SUPT6H: variants seen among roughly 807,000 people sequenced by gnomAD.
SUPT6H encodes the protein transcription elongation factor SPT6.
Under a neutral mutation model 222.3 loss-of-function variants are expected in SUPT6H, and 11 were observed. The ratio of observed to expected loss-of-function variants is 0.05; its 90% CI spans 0.03 to 0.08. The LOEUF (loss-of-function observed/expected upper bound fraction) is 0.08. SUPT6H is among the 10% of genes least tolerant of loss of function. SUPT6H has a pLI of 1.00. For missense variants in SUPT6H, 1,422 were observed against 2,216.0 expected (o/e 0.64, Z 7.19); for synonymous variants, 762 against 801.2 (o/e 0.95, Z 0.83).
intron 11 of SUPT6H, among the ~76,000 whole-genome samples, chr17:28,680,885 G>A (rs997439319): frequency 3.9e-5 from 6 of 152,166 alleles, no homozygotes; most frequent in East Asian, 3.9e-4. Flanking sequence ...CTGACGTCGC[G>A]ATCCCTCCGC....
At chr17:28,690,510 C>T (rs1395920224) in intron 26 of SUPT6H, among the ~76,000 whole-genome samples, 1 of 152,226 alleles carries the variant, frequency 6.6e-6, no homozygotes, top group African/African-American at 2.4e-5. Flanking sequence ...CACAGTGGCT[C>T]ATGCCTGTAA....
At chr17:28,667,403 G>GTA (rs1432342239) in intron 1 of SUPT6H, among the ~76,000 whole-genome samples, 1,361 of 42,284 alleles carry the variant, frequency 0.032, 28 homozygotes, top group Admixed American at 0.036. Context: ...AAGTGTGTGT[G>GTA]TGTATATATA....
intron 28 of SUPT6H, among the ~76,000 whole-genome samples, chr17:28,694,749 C>T (rs958122572): frequency 6.6e-6 from 1 of 152,216 alleles, no homozygotes; most frequent in African/African-American, 2.4e-5. Context: ...CCTGTAATCC[C>T]AGCACTTTGG....
chr17:28,671,313 G>A (rs2030401461), intron 1 of SUPT6H: 1 of 152,246 alleles, frequency 6.6e-6, no homozygotes, highest in Admixed American at 6.5e-5. Flanking sequence ...CAGCACACCT[G>A]AAGGGATATA....
chr17:28,663,099 A>G (rs1251307354), intron 1 of SUPT6H, among the ~76,000 whole-genome samples: 1 of 152,218 alleles, frequency 6.6e-6, no homozygotes, highest in African/African-American at 2.4e-5. Flanking sequence ...ATTCACTGTA[A>G]TATCAAAAGT....
At chr17:28,698,348 G>GT (rs1222249767) in intron 32 of SUPT6H, among the ~76,000 whole-genome samples, 1 of 152,166 alleles carries the variant, frequency 6.6e-6, no homozygotes, top group African/African-American at 2.4e-5. Context: ...CAGTACACTG[G>GT]TCTCTCCTGT....
intron 1 of SUPT6H, among the ~76,000 whole-genome samples, chr17:28,671,791 C>T (rs1342503483): frequency 6.6e-6 from 1 of 152,192 alleles, no homozygotes; most frequent in Non-Finnish European, 1.5e-5. Context: ...GTTCTTTCCC[C>T]TATGTCATGT....
rs750736552 is a variant in SUPT6H, at chr17:28,696,977, A to G, written c.4104A>G (p.Thr1368=). ...RPSSKGENHL[T]VTWKVSDGIY... ...GCAGCAAGGGCGAGAACCACCTGAC[A>G]GTGACCTGGAAAGTCAGTGATGGCA... Residue 1368 remains threonine (T), a synonymous_variant, in exon 30 of 37, where the codon ACA becomes ACG. Transcript: ENST00000314616. 4 of 1,614,090 alleles carry G rather than the reference A, an allele frequency of 2.5e-6. No individual in the cohort carries two copies. The East Asian group carries it at 6.7e-5, about 27-fold the overall frequency.
At chr17:28,696,296 CAAAAAAA>C (rs1185490286) in intron 29 of SUPT6H, among the ~76,000 whole-genome samples, 1 of 53,724 alleles carries the variant, frequency 1.9e-5, no homozygotes, top group Non-Finnish European at 3.7e-5. Context: ...GACTCTGTCT[CAAAAAAA>C]AAAAAAAAAA....
At position 28,696,926 on chromosome 17, in the gene SUPT6H, C is replaced by T. The variant is rs767852962; in HGVS notation, c.4053C>T (p.Asp1351=). The change falls in exon 30 of 37, where the codon GAC becomes GAT. Residue 1351 remains aspartate, a synonymous_variant. Coordinates refer to ENST00000314616, the MANE Select transcript of SUPT6H (RefSeq NM_003170.5). ...CAGAAAAGATGATGGAGACCATGGA[C>T]CAGGGTGATGTGATTATCCGACCAA... ...KQAEKMMETM[D]QGDVIIRPSS... 1.4e-5 allele frequency: 23 copies of T among 1,613,786 alleles called. No homozygotes were observed. In the East Asian group the frequency reaches 3.6e-4, roughly 25 times the overall value.
At chr17:28,691,850 A>G (rs1446308384) in intron 27 of SUPT6H, 2 of 142,288 alleles carry the variant, frequency 1.4e-5, no homozygotes, top group Non-Finnish European at 3.1e-5. Context: ...ACTCCGTCTC[A>G]AAAAAAAAAA....
intron 11 of SUPT6H, among the ~76,000 whole-genome samples, chr17:28,680,012 A>T (rs1038823112): frequency 1.2e-4 from 18 of 148,478 alleles, no homozygotes; most frequent in African/African-American, 4.5e-4. Context: ...AAAAGAAAGA[A>T]AGAAAAAGGA....
intron 27 of SUPT6H, among the ~76,000 whole-genome samples, chr17:28,692,069 A>G (rs898023630): frequency 6.6e-6 from 1 of 151,652 alleles, no homozygotes; most frequent in African/African-American, 2.4e-5. Context: ...CACTCCTGTA[A>G]TCCCAGCACT....
intron 32 of SUPT6H, among the ~76,000 whole-genome samples, chr17:28,698,560 C>G (rs1363269069): frequency 6.6e-6 from 1 of 152,252 alleles, no homozygotes; most frequent in Admixed American, 6.5e-5. Flanking sequence ...CTGAGTCCCT[C>G]TAGCGCTTAC....
intron 8 of SUPT6H, 49 bp downstream of exon 8, chr17:28,677,865 A>G: frequency 1.3e-6 from 2 of 1,540,994 alleles, no homozygotes; most frequent in Non-Finnish European, 9.0e-7. Flanking sequence ...AAGACACTTC[A>G]TCAAGATGGG....
intron 1 of SUPT6H, among the ~76,000 whole-genome samples, chr17:28,667,745 C>G (rs1343947877): frequency 6.6e-6 from 1 of 151,710 alleles, no homozygotes; most frequent in East Asian, 1.9e-4. Flanking sequence ...TCTCATAGTC[C>G]AGTTATATAA....
At chr17:28,693,166 A>G (rs1289583546) in intron 27 of SUPT6H, among the ~76,000 whole-genome samples, 1 of 152,052 alleles carries the variant, frequency 6.6e-6, no homozygotes, top group Non-Finnish European at 1.5e-5. Context: ...TGATACTGTC[A>G]TAAGAAAAAG....
Position 28,700,244 on chromosome 17 carries a change from C to T in SUPT6H, c.4633C>T (p.Leu1545Phe). ...CAATGCTACCCCAGCCAACATCAAC[C>T]TTGCAGGTGAGGAGCTTGAGCCTGG... ...SINATPANIN[L>F]ADLTRAVNAL... The change falls in exon 34 of 37, where the codon CTT becomes TTT. Residue 1545 changes from leucine (L) to phenylalanine (F), a missense_variant. Physicochemically the swap from Leu to Phe is conservative, Grantham distance 22. Transcript: ENST00000314616. The T allele has an allele frequency of 6.2e-7, 1 of 1,614,236 alleles. No homozygotes were observed. Among genetic ancestry groups the T allele is most frequent in the Non-Finnish European group, 8.5e-7 (1 of 1,180,040 alleles).
chr17:28,682,132 T>A lies in SUPT6H; in HGVS notation c.1597+152T>A. 6 of 593,856 alleles carry A rather than the reference T, an allele frequency of 1.0e-5. No homozygotes were observed. The South Asian group carries it at 1.4e-4, about 14-fold the overall frequency. 36.8% of individuals were successfully genotyped at this position (593,856 alleles called of 1,614,324 possible). ...CCTATTAGCTGGTCTTTAAAAATAC[T>A]CCCTCTCCAAACCCATTCCCGCCCG... is the stretch of plus-strand genomic sequence containing the variant. On this transcript the variant is annotated intron_variant, in intron 13 of 36. Transcript: ENST00000314616.
Sources: gnomAD v4.1 joint callset for allele counts (sites outside exome capture counted in the v4.1 genomes callset) on GRCh38, gnomAD v4.1.1 for gene constraint, MANE v1.5 for transcripts, NCBI Gene and HGNC (gene_info 2026-07-23, HGNC 2026-07-21) for gene names.